The following SRGAP1 variants were observed in gnomAD, a reference collection of about 807,000 sequenced individuals.
SRGAP1 encodes the protein SLIT-ROBO Rho GTPase-activating protein 1.
A neutral mutation model predicts 121.9 loss-of-function variants in SRGAP1; 43 were observed. The observed-to-expected ratio is 0.35, with a 90% CI of 0.28 to 0.46. The LOEUF (loss-of-function observed/expected upper bound fraction) is 0.46, where lower values mean the gene tolerates loss of function less well. SRGAP1 is among the 20% of genes least tolerant of loss of function. The pLI is 1.00. For missense variants in SRGAP1, 1,102 were observed against 1,350.9 expected (o/e 0.82, Z 2.89); for synonymous variants, 447 against 485.4 (o/e 0.92, Z 1.04).
intron 3 of SRGAP1, among the ~76,000 whole-genome samples, chr12:64,014,712 G>A (rs2034352216): frequency 6.6e-6 from 1 of 152,104 alleles, no homozygotes; most frequent in Admixed American, 6.5e-5. Flanking sequence ...TCTTTTATCT[G>A]ACCCAGAATA....
intron 2 of SRGAP1, among the ~76,000 whole-genome samples, chr12:63,987,472 C>A (rs2136414739): frequency 6.6e-6 from 1 of 152,238 alleles, no homozygotes; most frequent in South Asian, 2.1e-4. Context: ...CCTGTAATCC[C>A]AGCACTTTGG....
At chr12:64,071,644 C>T (rs1452633660) in intron 8 of SRGAP1, among the ~76,000 whole-genome samples, 2 of 152,068 alleles carry the variant, frequency 1.3e-5, no homozygotes, top group African/African-American at 4.8e-5. Flanking sequence ...AGGGGTGGGC[C>T]GCAGGAAAAC....
At chr12:64,012,304 C>G (rs1224379784) in intron 3 of SRGAP1, among the ~76,000 whole-genome samples, 1 of 152,082 alleles carries the variant, frequency 6.6e-6, no homozygotes, top group East Asian at 1.9e-4. Context: ...TAAATGTTAA[C>G]TGAATTGAAG....
chr12:63,981,354 T>TAAAAAC (rs1248965201), intron 1 of SRGAP1, among the ~76,000 whole-genome samples: 2 of 151,976 alleles, frequency 1.3e-5, no homozygotes, highest in East Asian at 1.9e-4. Flanking sequence ...CTAAGGCAGC[T>TAAAAAC]AAAAACAAAA....
intron 8 of SRGAP1, among the ~76,000 whole-genome samples, chr12:64,065,628 T>C (rs1338947587): frequency 6.6e-6 from 1 of 152,220 alleles, no homozygotes; most frequent in Non-Finnish European, 1.5e-5. Flanking sequence ...CAGACTGGAC[T>C]CAAACTGCCG....
intron 1 of SRGAP1, among the ~76,000 whole-genome samples, chr12:63,980,614 G>C (rs898086141): frequency 6.8e-6 from 1 of 146,770 alleles, no homozygotes; most frequent in Non-Finnish European, 1.5e-5. Context: ...TTTTTTTTGA[G>C]ATGGAGTCTC....
chr12:64,091,704 A>G (rs978399999), intron 12 of SRGAP1, among the ~76,000 whole-genome samples: 2 of 152,180 alleles, frequency 1.3e-5, no homozygotes, highest in Non-Finnish European at 2.9e-5. Context: ...TGCAAATGAG[A>G]TGGCACAAAA....
At chr12:64,038,574 C>T (rs1275456045) in intron 4 of SRGAP1, 4 of 152,098 alleles carry the variant, frequency 2.6e-5, no homozygotes, top group African/African-American at 9.7e-5. Flanking sequence ...AAATTTGCTA[C>T]AGGTATTTTT....
At chr12:63,889,914 A>T (rs1211065661) in intron 1 of SRGAP1, among the ~76,000 whole-genome samples, 2 of 152,148 alleles carry the variant, frequency 1.3e-5, no homozygotes, top group Non-Finnish European at 2.9e-5. Flanking sequence ...TCTCAAAAAA[A>T]AAAAGAAAGA....
At chr12:64,072,930 A>G (rs1381344260) in intron 8 of SRGAP1, among the ~76,000 whole-genome samples, 2 of 152,166 alleles carry the variant, frequency 1.3e-5, no homozygotes, top group Admixed American at 6.5e-5. Flanking sequence ...TCAGAGTTCA[A>G]GCTACCTGGG....
chr12:63,951,252 T>C (rs996649220), intron 1 of SRGAP1, among the ~76,000 whole-genome samples: 2 of 143,592 alleles, frequency 1.4e-5, no homozygotes, highest in Non-Finnish European at 3.0e-5. Context: ...CAACCTCCGC[T>C]TTCCGGGTTC....
In SRGAP1 at chr12:64,142,874, A is replaced by G. The variant is rs2036989455; in HGVS notation, c.*202A>G. ...TTTTGTAATTTTTTTAAATAACTGGACATATGTCATTTTAAGGACAATAGA... is the reference window on the plus strand; with the variant it reads ...TTTTGTAATTTTTTTAAATAACTGGGCATATGTCATTTTAAGGACAATAGA... On this transcript the variant is annotated 3_prime_UTR_variant, in exon 22 of 22. Coordinates refer to ENST00000355086, the MANE Select transcript of SRGAP1 (RefSeq NM_020762.4). 1.5e-6 allele frequency: 1 copy of G among 676,146 alleles called. No individual in the cohort carries two copies. Among genetic ancestry groups the G allele is most frequent in the South Asian group, 2.1e-5 (1 of 47,652 alleles). 41.9% of individuals were successfully genotyped at this position (676,146 alleles called of 1,614,324 possible). A position where few individuals can be genotyped will look rare whatever the true frequency, so the allele number is the denominator to read the frequency against.
chr12:64,008,375 T>C (rs984022186), intron 3 of SRGAP1, among the ~76,000 whole-genome samples: 23 of 152,122 alleles, frequency 1.5e-4, no homozygotes, highest in Non-Finnish European at 8.8e-5. Flanking sequence ...TTTTTCTTTT[T>C]CTATTTGTTT....
At chr12:64,024,136 A>C (rs892374754) in intron 4 of SRGAP1, among the ~76,000 whole-genome samples, 7 of 152,214 alleles carry the variant, frequency 4.6e-5, no homozygotes, top group Non-Finnish European at 1.0e-4. Context: ...ATCGGCTTTC[A>C]TATTAGGATA....
intron 1 of SRGAP1, among the ~76,000 whole-genome samples, chr12:63,864,380 C>A (rs1899554524): frequency 6.6e-6 from 1 of 152,162 alleles, no homozygotes; most frequent in Non-Finnish European, 1.5e-5. Flanking sequence ...TACCATATAA[C>A]ACTCTGAAAT....
intron 15 of SRGAP1, among the ~76,000 whole-genome samples, chr12:64,101,353 TGAG>T (rs1353847545): frequency 2.0e-5 from 2 of 100,446 alleles, no homozygotes; most frequent in African/African-American, 3.7e-5. Flanking sequence ...GTGTGTGTGA[TGAG>T]TAGTTATCCA....
At chr12:63,904,835 T>C (rs1454068044) in intron 1 of SRGAP1, among the ~76,000 whole-genome samples, 18 of 152,100 alleles carry the variant, frequency 1.2e-4, no homozygotes, top group Admixed American at 1.2e-3. Context: ...TTTGGGAGGC[T>C]GAGGTGGGAG....
chr12:63,990,120 G>T, intron 3 of SRGAP1, 48 bp downstream of exon 3: 1 of 1,465,324 alleles, frequency 6.8e-7, no homozygotes, highest in South Asian at 1.3e-5. Flanking sequence ...TAACTGCCTT[G>T]TCTATAACCA....
intron 4 of SRGAP1, chr12:64,032,569 C>G (rs1593062195): frequency 1.1e-6 from 1 of 916,514 alleles, no homozygotes; most frequent in Middle Eastern, 2.2e-4. Flanking sequence ...AGCCACGGAC[C>G]TAGCTCTGCA....
Sources: allele counts gnomAD v4.1 joint callset (sites outside exome capture counted in the v4.1 genomes callset), GRCh38; gene constraint gnomAD v4.1.1; transcripts MANE v1.5; gene names NCBI Gene and HGNC (gene_info 2026-07-23, HGNC 2026-07-21).